SLC10A7: variants seen among roughly 807,000 people sequenced by gnomAD.
The protein encoded by SLC10A7 is solute carrier family 10 member 7.
A neutral mutation model predicts 43.2 loss-of-function variants in SLC10A7; 29 were observed. The observed-to-expected ratio is 0.67, with a 90% CI of 0.50 to 0.92. The LOEUF is 0.92. SLC10A7 is among the 40% of genes least tolerant of loss of function. The pLI, the probability that SLC10A7 is intolerant of heterozygous loss-of-function variation, is 0.00. For synonymous variants in SLC10A7, 152 were observed against 144.8 expected (o/e 1.05, Z -0.35); for missense variants, 295 against 403.2 (o/e 0.73, Z 2.30).
chr4:146,389,510 C>T (rs1738262068), intron 5 of SLC10A7, among the ~76,000 whole-genome samples: 1 of 152,104 alleles, frequency 6.6e-6, no homozygotes, highest in African/African-American at 2.4e-5. Context: ...TTTGTTAAAG[C>T]CATGGAGTCT....
intron 5 of SLC10A7, among the ~76,000 whole-genome samples, chr4:146,366,075 A>G (rs1047107070): frequency 5.3e-5 from 8 of 151,650 alleles, no homozygotes; most frequent in African/African-American, 2.0e-4. Flanking sequence ...TTCATCTCAA[A>G]ACCCATCTGC....
intron 9 of SLC10A7, among the ~76,000 whole-genome samples, chr4:146,291,152 G>C (rs985360308): frequency 2.6e-5 from 4 of 152,174 alleles, no homozygotes; most frequent in African/African-American, 4.8e-5. Flanking sequence ...GAGTGGTTCT[G>C]ATGATCACTT....
chr4:146,319,540 A>G (rs941507215), intron 6 of SLC10A7, among the ~76,000 whole-genome samples: 1 of 152,060 alleles, frequency 6.6e-6, no homozygotes, highest in African/African-American at 2.4e-5. Context: ...TTCCACTAGT[A>G]TTCTCAAAAT....
chr4:146,348,147 A>G (rs1387771888), intron 5 of SLC10A7, among the ~76,000 whole-genome samples: 1 of 152,190 alleles, frequency 6.6e-6, no homozygotes, highest in Non-Finnish European at 1.5e-5. Flanking sequence ...AGTGTTTACA[A>G]CAAGGAGTAG....
chr4:146,413,317 G>A (rs559821679), intron 5 of SLC10A7, among the ~76,000 whole-genome samples: 9 of 152,060 alleles, frequency 5.9e-5, no homozygotes, highest in South Asian at 2.1e-4. Context: ...TAGGTTTCAC[G>A]TAATTTATTA....
rs576866269 is a variant in SLC10A7, at chr4:146,313,914, T to C, written c.472-7905A>G. On this transcript the variant is annotated intron_variant, in intron 6 of 11. Coordinates refer to ENST00000335472, the MANE Select transcript of SLC10A7 (RefSeq NM_001029998.6). ...GTTTTAAGTTTCTTCAAGGCAATTA[T>C]TATGCCTGCTTCTTTTTCCTCTTAC... Among the ~76,000 whole-genome samples, 3 of 152,318 alleles carry C rather than the reference T, an allele frequency of 2.0e-5. No individual in the cohort carries two copies. The East Asian group carries it at 5.8e-4, about 29-fold the overall frequency.
At chr4:146,331,462 G>A (rs1212242549) in intron 5 of SLC10A7, among the ~76,000 whole-genome samples, 2 of 152,142 alleles carry the variant, frequency 1.3e-5, no homozygotes, top group Non-Finnish European at 1.5e-5. Flanking sequence ...TTATTGCCCT[G>A]TAGGCATTGG....
intron 4 of SLC10A7, among the ~76,000 whole-genome samples, chr4:146,496,747 C>T (rs527573773): frequency 1.5e-3 from 229 of 152,298 alleles, no homozygotes; most frequent in Non-Finnish European, 2.7e-3. Flanking sequence ...TCTGAAATCA[C>T]CCATGTCACC....
intron 3 of SLC10A7, among the ~76,000 whole-genome samples, chr4:146,507,560 A>AAAAAAT (rs1192313175): frequency 2.8e-4 from 43 of 152,208 alleles, no homozygotes; most frequent in African/African-American, 4.6e-4. Context: ...ACTCTGTCTC[A>AAAAAAT]AAAAATAAAA....
At chr4:146,446,117 C>T (rs1233090704) in intron 4 of SLC10A7, among the ~76,000 whole-genome samples, 1 of 152,130 alleles carries the variant, frequency 6.6e-6, no homozygotes, top group African/African-American at 2.4e-5. Flanking sequence ...TATTTCTCTG[C>T]CTCCTGGCCC....
intron 7 of SLC10A7, among the ~76,000 whole-genome samples, chr4:146,305,075 G>A (rs1731455418): frequency 1.3e-5 from 2 of 151,234 alleles, no homozygotes; most frequent in African/African-American, 2.4e-5. Context: ...CCATTACTGG[G>A]TATATACCCA....
chr4:146,415,398 A>G (rs1456206638), intron 5 of SLC10A7, among the ~76,000 whole-genome samples: 2 of 152,238 alleles, frequency 1.3e-5, no homozygotes, highest in East Asian at 3.8e-4. Context: ...GCTAATATTT[A>G]TGGAGTATTT....
chr4:146,482,085 G>T (rs1310597969), intron 4 of SLC10A7, among the ~76,000 whole-genome samples: 1 of 152,092 alleles, frequency 6.6e-6, no homozygotes, highest in Non-Finnish European at 1.5e-5. Flanking sequence ...CTGTCCAACT[G>T]CCACCCTTAG....
intron 10 of SLC10A7, 71 bp from the exon 11 acceptor site, chr4:146,258,908 A>C: frequency 6.6e-7 from 1 of 1,507,388 alleles, no homozygotes; most frequent in Non-Finnish European, 9.0e-7. Context: ...ATACTCCATC[A>C]AAATCAGAAC....
rs556993341 is a variant in SLC10A7, at chr4:146,415,570, A to G, written c.435+27213T>C. Among the ~76,000 whole-genome samples the G allele has an allele frequency of 1.9e-4, 29 of 152,298 alleles. 1 individual carries two copies. In the South Asian group the frequency reaches 5.8e-3, roughly 30 times the overall value. On this transcript the variant is annotated intron_variant, in intron 5 of 11. Transcript: ENST00000335472. ...GCAGTCTGACTCCAGAACCAGTCTC[A>G]TTGGAAATTCAGTCTCAGCAATACT...
intron 5 of SLC10A7, among the ~76,000 whole-genome samples, chr4:146,366,833 C>G (rs1736424777): frequency 6.6e-6 from 1 of 152,176 alleles, no homozygotes; most frequent in African/African-American, 2.4e-5. Context: ...CAGCTCCTTA[C>G]AGATCCTTTT....
chr4:146,287,032 GAGTTTAGAGTGGTGAGAGGGA>G (rs1730053347), intron 9 of SLC10A7, among the ~76,000 whole-genome samples: 1 of 148,262 alleles, frequency 6.7e-6, no homozygotes, highest in African/African-American at 2.5e-5. Context: ...GAGAAGGACT[GAGTTTAGAGTGGTGAGAGGGA>G]CTGAGTTTGG....
chr4:146,311,726 A>G (rs750760876), intron 6 of SLC10A7, among the ~76,000 whole-genome samples: 22 of 152,026 alleles, frequency 1.4e-4, no homozygotes, highest in Non-Finnish European at 2.2e-4. Flanking sequence ...ACCTCTCCAC[A>G]TCACCCGCAG....
chr4:146,326,891 T>C lies in SLC10A7; in HGVS notation c.436-895A>G, dbSNP rs78743880. ...ATTTCAGAGAATCTGAGGTTGTGCG[T>C]GCCTAAGACAGAAAAGAGAGGGACA... On this transcript the variant is annotated intron_variant, in intron 5 of 11. Transcript: ENST00000335472. 2.0e-3 allele frequency among the ~76,000 whole-genome samples: 305 copies of C among 151,792 alleles called. 2 individuals carry two copies. The highest frequency in any genetic ancestry group is 7.2e-3 in the African/African-American group (296 of 41,382).
Sources: allele counts gnomAD v4.1 joint callset (sites outside exome capture counted in the v4.1 genomes callset), GRCh38; gene constraint gnomAD v4.1.1; transcripts MANE v1.5; gene names NCBI Gene and HGNC (gene_info 2026-07-23, HGNC 2026-07-21).